Variants in CHIC2 observed in about 807,000 individuals in gnomAD.
CHIC2 encodes the protein cysteine-rich hydrophobic domain-containing protein 2.
Under a neutral mutation model 25.9 loss-of-function variants are expected in CHIC2, and 14 were observed. The ratio of observed to expected loss-of-function variants is 0.54; its 90% CI spans 0.36 to 0.85. The LOEUF is 0.85. CHIC2 is among the 40% of genes least tolerant of loss of function. The pLI is 0.01. For synonymous variants in CHIC2, 70 were observed against 72.0 expected (o/e 0.97, Z 0.14); for missense variants, 146 against 202.0 (o/e 0.72, Z 1.68).
At chr4:54,087,467 G>A in the CHIC2 span, 7 of 793,226 alleles carry the variant, frequency 8.8e-6, no homozygotes, top group Non-Finnish European at 1.3e-5. Flanking sequence ...TAATGAAATT[G>A]TGACAAGAAT....
chr4:54,036,799 A>G (rs1483083147), intron 3 of CHIC2, among the ~76,000 whole-genome samples: 1 of 143,942 alleles, frequency 6.9e-6, no homozygotes, highest in African/African-American at 2.7e-5. Flanking sequence ...CACAAAAAAA[A>G]AGAAAGGAAA....
chr4:54,014,701 T>C (rs762512441), intron 3 of CHIC2, among the ~76,000 whole-genome samples: 4 of 152,196 alleles, frequency 2.6e-5, no homozygotes, highest in Non-Finnish European at 4.4e-5. Context: ...TGTCATCTGA[T>C]AGTAAAATCA....
chr4:54,053,319 G>C (rs1033483998), intron 1 of CHIC2, among the ~76,000 whole-genome samples: 1 of 152,152 alleles, frequency 6.6e-6, no homozygotes, highest in Admixed American at 6.5e-5. Context: ...CACTTTGGGA[G>C]GCCAAGGCAG....
the CHIC2 span, among the ~76,000 whole-genome samples, chr4:54,084,498 A>AG: frequency 6.6e-6 from 1 of 151,840 alleles, no homozygotes; most frequent in South Asian, 2.1e-4. Flanking sequence ...AATTACAAAA[A>AG]AAAAAGAAAA....
At chr4:54,044,012 G>A (rs552522964) in intron 3 of CHIC2, among the ~76,000 whole-genome samples, 10 of 151,898 alleles carry the variant, frequency 6.6e-5, no homozygotes, top group African/African-American at 9.7e-5. Context: ...TCCTAGTCTC[G>A]GATAAAACAG....
upstream of CHIC2, among the ~76,000 whole-genome samples, chr4:54,067,444 C>T (rs1287359447): frequency 2.0e-5 from 3 of 151,948 alleles, no homozygotes; most frequent in South Asian, 2.1e-4. Flanking sequence ...GAGTTGACAT[C>T]GTAATTCCAA....
At chr4:54,022,414 C>T (rs932888964) in intron 3 of CHIC2, among the ~76,000 whole-genome samples, 6 of 152,074 alleles carry the variant, frequency 3.9e-5, no homozygotes, top group African/African-American at 2.4e-5. Flanking sequence ...TTATTTTCAA[C>T]GACCTGTTTC....
intron 3 of CHIC2, among the ~76,000 whole-genome samples, chr4:54,040,463 G>A (rs1044589887): frequency 6.6e-6 from 1 of 151,950 alleles, no homozygotes; most frequent in Non-Finnish European, 1.5e-5. Flanking sequence ...CACTTTGGGA[G>A]GCCGAAGCGG....
the CHIC2 span, among the ~76,000 whole-genome samples, chr4:54,070,228 G>A: frequency 2.0e-5 from 3 of 152,164 alleles, no homozygotes; most frequent in Non-Finnish European, 2.9e-5. Context: ...AGTGTGGGTG[G>A]ATCATAGTGA....
At chr4:54,012,611 T>A (rs967855636) in intron 5 of CHIC2, among the ~76,000 whole-genome samples, 1 of 152,026 alleles carries the variant, frequency 6.6e-6, no homozygotes, top group Non-Finnish European at 1.5e-5. Flanking sequence ...CTCCTATCCA[T>A]CCCTCTCCCC....
At chr4:54,082,208 A>G in the CHIC2 span, among the ~76,000 whole-genome samples, 1 of 152,220 alleles carries the variant, frequency 6.6e-6, no homozygotes. Flanking sequence ...AAAATGAGCA[A>G]TCTTCTCTCT....
intron 3 of CHIC2, among the ~76,000 whole-genome samples, chr4:54,033,323 C>T (rs1716291535): frequency 6.6e-6 from 1 of 152,132 alleles, no homozygotes; most frequent in Admixed American, 6.5e-5. Context: ...TGAAAAAATG[C>T]TAATTTTTCA....
intron 3 of CHIC2, among the ~76,000 whole-genome samples, chr4:54,020,021 C>T (rs1030593571): frequency 1.3e-5 from 2 of 151,988 alleles, no homozygotes; most frequent in Non-Finnish European, 2.9e-5. Context: ...ATAAAAAGTA[C>T]GGCTATCAGG....
At chr4:54,023,856 G>A (rs1448554292) in intron 3 of CHIC2, among the ~76,000 whole-genome samples, 1 of 152,158 alleles carries the variant, frequency 6.6e-6, no homozygotes, top group Non-Finnish European at 1.5e-5. Context: ...TGTTATATGG[G>A]CTGAAAGAGG....
chr4:54,056,341 A>G (rs1344881719), intron 1 of CHIC2, among the ~76,000 whole-genome samples: 1 of 152,226 alleles, frequency 6.6e-6, no homozygotes, highest in East Asian at 1.9e-4. Context: ...TACATATTTT[A>G]GAATATTCTT....
At chr4:54,071,136 G>A in the CHIC2 span, among the ~76,000 whole-genome samples, 8 of 152,150 alleles carry the variant, frequency 5.3e-5, no homozygotes, top group African/African-American at 1.7e-4. Flanking sequence ...TCTAAACTAG[G>A]CTGGGAGCTT....
At chr4:54,037,252 G>A (rs1200577574) in intron 3 of CHIC2, among the ~76,000 whole-genome samples, 1 of 152,016 alleles carries the variant, frequency 6.6e-6, no homozygotes, top group Non-Finnish European at 1.5e-5. Context: ...GGGAGGCCGA[G>A]GTAGGAGGAT....
chr4:54,080,257 G>GCTA, the CHIC2 span, among the ~76,000 whole-genome samples: 24 of 151,170 alleles, frequency 1.6e-4, no homozygotes, highest in African/African-American at 5.8e-4. Flanking sequence ...TTGTGACAAT[G>GCTA]AGGACATTAT....
intron 3 of CHIC2, among the ~76,000 whole-genome samples, chr4:54,017,123 C>T (rs1357132853): frequency 4.6e-5 from 7 of 151,820 alleles, no homozygotes; most frequent in African/African-American, 1.5e-4. Context: ...GAGTTTATGT[C>T]CACAAGGCTG....
Sources: allele counts gnomAD v4.1 joint callset (sites outside exome capture counted in the v4.1 genomes callset), GRCh38; gene constraint gnomAD v4.1.1; transcripts MANE v1.5; gene names NCBI Gene and HGNC (gene_info 2026-07-23, HGNC 2026-07-21).